ADGRL3: variants seen among roughly 807,000 people sequenced by gnomAD.
The protein encoded by ADGRL3 is calcium-independent alpha-latrotoxin receptor 3.
Under a neutral mutation model 153.5 loss-of-function variants are expected in ADGRL3, and 62 were observed. The observed-to-expected ratio is 0.40, with a 90% CI of 0.33 to 0.50. The LOEUF (loss-of-function observed/expected upper bound fraction) is 0.50, where lower values mean the gene tolerates loss of function less well. Among genes scored for constraint, ADGRL3 ranks in the 20% least tolerant of loss-of-function variants. ADGRL3 has a pLI of 0.47. For missense variants in ADGRL3, 1,641 were observed against 1,859.4 expected (o/e 0.88, Z 2.16); for synonymous variants, 710 against 672.5 (o/e 1.06, Z -0.86).
At chr4:61,791,144 A>AT (rs2097336860) in intron 8 of ADGRL3, among the ~76,000 whole-genome samples, 1 of 152,168 alleles carries the variant, frequency 6.6e-6, no homozygotes, top group Admixed American at 6.6e-5. Flanking sequence ...GTCTTAACTC[A>AT]TTTCAGCATT....
At chr4:61,801,423 A>G (rs1208692200) in intron 8 of ADGRL3, among the ~76,000 whole-genome samples, 4 of 152,158 alleles carry the variant, frequency 2.6e-5, no homozygotes, top group South Asian at 4.1e-4. Context: ...AATTAAATTA[A>G]GAGTGGATTT....
chr4:61,448,347 A>G (rs1048747790), intron 2 of ADGRL3, among the ~76,000 whole-genome samples: 30 of 152,292 alleles, frequency 2.0e-4, no homozygotes, highest in African/African-American at 6.5e-4. Context: ...ATAATGAGAG[A>G]TAAAATACTG....
chr4:61,631,658 C>T (rs555840386), intron 5 of ADGRL3, among the ~76,000 whole-genome samples: 2 of 152,142 alleles, frequency 1.3e-5, no homozygotes, highest in South Asian at 2.1e-4. Context: ...AAAGTAGTTA[C>T]CAAACTTTTG....
chr4:61,913,421 G>A (rs2098731173), intron 13 of ADGRL3, among the ~76,000 whole-genome samples: 1 of 151,992 alleles, frequency 6.6e-6, no homozygotes, highest in Admixed American at 6.6e-5. Flanking sequence ...AAGAAATGAA[G>A]GAAAGAAACA....
At chr4:61,911,488 T>G (rs1229754635) in intron 12 of ADGRL3, among the ~76,000 whole-genome samples, 1 of 152,158 alleles carries the variant, frequency 6.6e-6, no homozygotes, top group Admixed American at 6.6e-5. Context: ...CAAAGGTTAT[T>G]CACATGCTTG....
chr4:61,546,795 A>C (rs1049793477), intron 4 of ADGRL3, among the ~76,000 whole-genome samples: 1 of 152,218 alleles, frequency 6.6e-6, no homozygotes, highest in African/African-American at 2.4e-5. Context: ...AATAGCACAA[A>C]AAAAATTGAA....
At chr4:62,044,390 T>G in intron 24 of ADGRL3, 63 bp from the exon 25 acceptor site, 1 of 1,062,354 alleles carries the variant, frequency 9.4e-7, no homozygotes. Flanking sequence ...AAGAAAAGAA[T>G]GATTTGTGTG....
chr4:61,993,278 T>C (rs1581784180), intron 19 of ADGRL3, among the ~76,000 whole-genome samples: 2 of 147,910 alleles, frequency 1.4e-5, no homozygotes, highest in African/African-American at 2.5e-5. Context: ...TGTTTCTTTT[T>C]TTCTTTCTTT....
chr4:62,027,224 C>A (rs950307484), intron 21 of ADGRL3, among the ~76,000 whole-genome samples: 1 of 152,010 alleles, frequency 6.6e-6, no homozygotes, highest in Non-Finnish European at 1.5e-5. Flanking sequence ...TAAATACCAT[C>A]AGTTCTTACA....
intron 8 of ADGRL3, among the ~76,000 whole-genome samples, chr4:61,791,641 T>C (rs1391800437): frequency 2.0e-5 from 3 of 152,220 alleles, no homozygotes; most frequent in Non-Finnish European, 2.9e-5. Context: ...AGGGACTTTG[T>C]GTGGAGTTCC....
chr4:61,870,126 T>G (rs1222483904), intron 9 of ADGRL3, among the ~76,000 whole-genome samples: 1 of 151,822 alleles, frequency 6.6e-6, no homozygotes, highest in Non-Finnish European at 1.5e-5. Flanking sequence ...CTATAATTGT[T>G]GACAGTTTAG....
At chr4:61,453,861 TATA>T (rs1230730183) in intron 2 of ADGRL3, among the ~76,000 whole-genome samples, 16 of 152,080 alleles carry the variant, frequency 1.1e-4, no homozygotes, top group African/African-American at 3.4e-4. Flanking sequence ...TTAGAAACAT[TATA>T]ATAAGTAGTG....
intron 8 of ADGRL3, among the ~76,000 whole-genome samples, chr4:61,778,401 T>C (rs563978149): frequency 1.4e-4 from 21 of 152,322 alleles, no homozygotes; most frequent in Admixed American, 1.3e-3. Flanking sequence ...ACCAGTTGTT[T>C]GTAAGGACAA....
intron 2 of ADGRL3, among the ~76,000 whole-genome samples, chr4:61,496,375 T>C (rs2098315579): frequency 6.6e-6 from 1 of 152,140 alleles, no homozygotes. Context: ...AATATATATG[T>C]ATTTTTAGCC....
chr4:61,706,984 C>A (rs2095867872), intron 6 of ADGRL3, among the ~76,000 whole-genome samples: 2 of 152,134 alleles, frequency 1.3e-5, no homozygotes, highest in African/African-American at 4.8e-5. Flanking sequence ...TACTTGTACT[C>A]TTCCTTTCAC....
At chr4:61,486,029 C>T (rs960797871) in intron 2 of ADGRL3, among the ~76,000 whole-genome samples, 28 of 151,916 alleles carry the variant, frequency 1.8e-4, no homozygotes, top group African/African-American at 5.6e-4. Flanking sequence ...CTGCAAGCTC[C>T]GCCTCCCAGG....
At chr4:61,393,357 C>A (rs975958190) in intron 2 of ADGRL3, among the ~76,000 whole-genome samples, 5 of 151,872 alleles carry the variant, frequency 3.3e-5, no homozygotes, top group African/African-American at 7.3e-5. Flanking sequence ...ACTAAGTAAT[C>A]CAGAAGCTTA....
At chr4:61,324,142 G>A (rs2095420601) in intron 1 of ADGRL3, among the ~76,000 whole-genome samples, 1 of 152,198 alleles carries the variant, frequency 6.6e-6, no homozygotes, top group African/African-American at 2.4e-5. Context: ...CCATGATTCG[G>A]TCATCTCCCA....
intron 13 of ADGRL3, among the ~76,000 whole-genome samples, chr4:61,931,307 G>T (rs943930928): frequency 6.6e-6 from 1 of 152,136 alleles, no homozygotes; most frequent in Non-Finnish European, 1.5e-5. Context: ...TTTCAATTCA[G>T]TGTGGCTATT....
Sources: gnomAD v4.1 joint callset for allele counts (sites outside exome capture counted in the v4.1 genomes callset) on GRCh38, gnomAD v4.1.1 for gene constraint, MANE v1.5 for transcripts, NCBI Gene and HGNC (gene_info 2026-07-23, HGNC 2026-07-21) for gene names.